NXPH1: variants seen among roughly 807,000 people sequenced by gnomAD.
NXPH1 encodes neurexophilin 1, also known as neurexophilin-1.
Under a neutral mutation model 23.7 loss-of-function variants are expected in NXPH1, and 5 were observed. The ratio of observed to expected loss-of-function variants is 0.21; its 90% CI spans 0.11 to 0.44. The LOEUF is 0.44. Among genes scored for constraint, NXPH1 ranks in the 20% least tolerant of loss-of-function variants. The pLI, the probability that NXPH1 is intolerant of heterozygous loss-of-function variation, is 0.99. For missense variants in NXPH1, 324 were observed against 321.6 expected, an observed-to-expected ratio of 1.01 and a Z score of -0.06; for synonymous variants, 144 against 122.2, an observed-to-expected ratio of 1.18 and a Z score of -1.18.
intron 2 of NXPH1, among the ~76,000 whole-genome samples, chr7:8,548,028 T>C (rs564111993): frequency 6.6e-6 from 1 of 151,660 alleles, no homozygotes; most frequent in East Asian, 2.0e-4. Context: ...GGTCAAATAA[T>C]AGTTCTATTT....
At chr7:8,570,858 A>G (rs1361775710) in intron 2 of NXPH1, among the ~76,000 whole-genome samples, 4 of 151,802 alleles carry the variant, frequency 2.6e-5, no homozygotes, top group Admixed American at 1.3e-4. Context: ...TTGGTAGGCA[A>G]AAGAGTCATA....
At chr7:8,639,571 C>T (rs547569781) in intron 2 of NXPH1, among the ~76,000 whole-genome samples, 1 of 152,190 alleles carries the variant, frequency 6.6e-6, no homozygotes, top group African/African-American at 2.4e-5. Context: ...ATTAGTGAGG[C>T]TGAGCATCTT....
chr7:8,726,406 A>C (rs1368458022), intron 2 of NXPH1, among the ~76,000 whole-genome samples: 1 of 151,172 alleles, frequency 6.6e-6, no homozygotes, highest in Non-Finnish European at 1.5e-5. Context: ...ACATATGTAT[A>C]CATGTGCCAT....
chr7:8,739,509 G>C (rs1390641249), intron 2 of NXPH1, among the ~76,000 whole-genome samples: 2 of 152,092 alleles, frequency 1.3e-5, no homozygotes, highest in African/African-American at 4.8e-5. Context: ...GAGATGAGCT[G>C]CGTACCTCAG....
At chr7:8,704,918 A>G (rs946903527) in intron 2 of NXPH1, among the ~76,000 whole-genome samples, 7 of 152,164 alleles carry the variant, frequency 4.6e-5, no homozygotes, top group African/African-American at 1.7e-4. Flanking sequence ...AGTATATATA[A>G]AATCTTCCTT....
intron 2 of NXPH1, among the ~76,000 whole-genome samples, chr7:8,654,340 AG>A (rs1412163323): frequency 6.6e-6 from 1 of 152,208 alleles, no homozygotes; most frequent in Non-Finnish European, 1.5e-5. Context: ...AAAGAGAGTG[AG>A]GGGCGAATAT....
chr7:8,469,136 A>T (rs1038068009), intron 2 of NXPH1, among the ~76,000 whole-genome samples: 1 of 152,038 alleles, frequency 6.6e-6, no homozygotes, highest in Non-Finnish European at 1.5e-5. Context: ...ATTTTCTTAG[A>T]GTCCCATATT....
In NXPH1 at chr7:8,488,178, C is replaced by T. The variant is rs190131855; in HGVS notation, c.54+52411C>T. 4.5e-3 allele frequency among the ~76,000 whole-genome samples: 682 copies of T among 152,232 alleles called. 2 individuals carry two copies. Among genetic ancestry groups the T allele is most frequent in the Non-Finnish European group, 6.8e-3 (462 of 68,010 alleles). ...ACATTTTATGGAAAGCATTATCCTA[C>T]AGTAGGTAACTTTTCTTTTTCTTCT... On this transcript the variant is annotated intron_variant, in intron 2 of 2. Coordinates refer to ENST00000405863, the MANE Select transcript of NXPH1 (RefSeq NM_152745.3).
chr7:8,705,642 G>A (rs554602188), intron 2 of NXPH1, among the ~76,000 whole-genome samples: 127 of 152,170 alleles, frequency 8.3e-4, no homozygotes, highest in African/African-American at 2.8e-3. Context: ...TCCCATATGC[G>A]GTTTCTTTAT....
chr7:8,742,317 A>G (rs191288471), intron 2 of NXPH1, among the ~76,000 whole-genome samples: 1 of 152,276 alleles, frequency 6.6e-6, no homozygotes, highest in Non-Finnish European at 1.5e-5. Context: ...TGAAAAAGCA[A>G]TGAGCAAAGA....
chr7:8,437,168 C>T (rs74907803), intron 2 of NXPH1, among the ~76,000 whole-genome samples: 2,500 of 152,264 alleles, frequency 0.016, 66 homozygotes, highest in African/African-American at 0.058. Flanking sequence ...AAAGAACAGC[C>T]TTTCTGACTC....
Position 8,447,820 on chromosome 7 carries a change from G to A in NXPH1, c.54+12053G>A, listed in dbSNP as rs566820947. On this transcript the variant is annotated intron_variant, in intron 2 of 2. Coordinates refer to ENST00000405863, the MANE Select transcript of NXPH1 (RefSeq NM_152745.3). ...TTCCCCCCCACCCTTGATGTTCCTC[G>A]AACAAGTGGTTAAAAGTGTGAGAGG... Among the ~76,000 whole-genome samples, 6 of 152,220 alleles carry A rather than the reference G, an allele frequency of 3.9e-5. No individual in the cohort carries two copies. The East Asian group carries it at 7.7e-4, about 20-fold the overall frequency.
intron 2 of NXPH1, among the ~76,000 whole-genome samples, chr7:8,462,008 A>G (rs118184829): frequency 0.012 from 1,835 of 151,888 alleles, 18 homozygotes; most frequent in Middle Eastern, 0.055. Flanking sequence ...TACTCTTTTA[A>G]ATGACCACAC....
chr7:8,437,035 CCTGT>C (rs1461365852), intron 2 of NXPH1, among the ~76,000 whole-genome samples: 2 of 152,232 alleles, frequency 1.3e-5, no homozygotes, highest in African/African-American at 2.4e-5. Flanking sequence ...CTCAATGTTG[CCTGT>C]CTTTGCCCCT....
intron 2 of NXPH1, among the ~76,000 whole-genome samples, chr7:8,491,335 T>C (rs1189025867): frequency 1.3e-5 from 2 of 152,020 alleles, no homozygotes; most frequent in Admixed American, 1.3e-4. Context: ...TTTGCCCATA[T>C]TGCAAAATTG....
At chr7:8,650,197 G>T (rs1017905005) in intron 2 of NXPH1, among the ~76,000 whole-genome samples, 10 of 152,282 alleles carry the variant, frequency 6.6e-5, no homozygotes, top group Middle Eastern at 3.4e-3. Flanking sequence ...TTATCAGCAT[G>T]ATTTGAGATT....
intron 2 of NXPH1, among the ~76,000 whole-genome samples, chr7:8,704,233 T>C (rs1472525765): frequency 6.6e-6 from 1 of 152,150 alleles, no homozygotes; most frequent in Admixed American, 6.6e-5. Flanking sequence ...GACTCAGTGG[T>C]AGCCTAAATT....
intron 2 of NXPH1, among the ~76,000 whole-genome samples, chr7:8,584,341 T>C (rs1248915071): frequency 2.6e-5 from 4 of 152,176 alleles, no homozygotes; most frequent in Non-Finnish European, 4.4e-5. Context: ...CCAATCCCTG[T>C]AGGAGCACAG....
At chr7:8,453,866 T>C (rs1208264231) in intron 2 of NXPH1, among the ~76,000 whole-genome samples, 1 of 152,186 alleles carries the variant, frequency 6.6e-6, no homozygotes, top group Non-Finnish European at 1.5e-5. Flanking sequence ...CTATTGTGTA[T>C]AGTGCTTCAG....
Sources: allele counts gnomAD v4.1 joint callset (sites outside exome capture counted in the v4.1 genomes callset), GRCh38; gene constraint gnomAD v4.1.1; transcripts MANE v1.5; gene names NCBI Gene and HGNC (gene_info 2026-07-23, HGNC 2026-07-21).